DMBT1: variants seen among roughly 807,000 people sequenced by gnomAD.
The protein encoded by DMBT1 is scavenger receptor cysteine-rich domain-containing protein DMBT1.
Under a neutral mutation model 252.9 loss-of-function variants are expected in DMBT1, and 198 were observed. The ratio of observed to expected loss-of-function variants is 0.78; its 90% CI spans 0.70 to 0.88. The LOEUF (loss-of-function observed/expected upper bound fraction) is 0.88, where lower values mean the gene tolerates loss of function less well. Among genes scored for constraint, DMBT1 ranks in the 40% least tolerant of loss-of-function variants. The probability of loss-of-function intolerance (pLI) is 0.00; values close to 1 mark genes in which losing one functional copy is unlikely to be tolerated. For synonymous variants in DMBT1, 990 were observed against 942.7 expected, an observed-to-expected ratio of 1.05 and a Z score of -0.92; for missense variants, 2,432 against 2,404.7, an observed-to-expected ratio of 1.01 and a Z score of -0.24.
At chr10:122,590,632 A>G in intron 17 of DMBT1, 33 bp from the exon 18 acceptor site, 1 of 1,586,490 alleles carries the variant, frequency 6.3e-7, no homozygotes, top group Non-Finnish European at 8.6e-7. Context: ...GCTTCTGTAT[A>G]GTGCATCTGA....
At position 122,597,980 on chromosome 10, in the gene DMBT1, T is replaced by G. The variant is rs1057218359; in HGVS notation, c.2924T>G (p.Leu975Trp). The G allele has an allele frequency of 1.2e-6, 2 of 1,613,850 alleles. No individual in the cohort carries two copies. The highest frequency in any genetic ancestry group is 2.7e-5 in the African/African-American group (2 of 74,914). ...HSWSTPSPDT[L>W]PTITLPASTV... is the part of the protein sequence containing the mutation. Reference sequence around the variant, plus strand: ...GTCTCTGTTGCAATTACAGACACATTGCCGACCATCACCTTGCCTGCATCG... The same window carrying G: ...GTCTCTGTTGCAATTACAGACACATGGCCGACCATCACCTTGCCTGCATCG... The change falls in exon 25 of 56, where the codon TTG becomes TGG. Residue 975 changes from leucine to tryptophan, a missense_variant. Around this residue, in one of 3 missense-constraint regions of DMBT1, gnomAD observed 1,264 missense variants for 1,082.2 expected, o/e 1.17. Coordinates refer to ENST00000338354, the MANE Select transcript of DMBT1 (RefSeq NM_001377530.1).
chr10:122,572,255 A>T, intron 4 of DMBT1, 59 bp from the exon 5 acceptor site: 2 of 1,607,066 alleles, frequency 1.2e-6, no homozygotes, highest in Non-Finnish European at 1.7e-6. Context: ...GAAGCCATGG[A>T]CCAACCCTCT....
At chr10:122,631,594 G>A (rs188302806) in intron 49 of DMBT1, among the ~76,000 whole-genome samples, 5 of 152,300 alleles carry the variant, frequency 3.3e-5, no homozygotes, top group African/African-American at 1.2e-4. Context: ...AATTGGGATG[G>A]TTTTAGAACA....
chr10:122,564,906 A>G (rs1271866788), intron 1 of DMBT1, among the ~76,000 whole-genome samples: 3 of 152,240 alleles, frequency 2.0e-5, no homozygotes, highest in South Asian at 4.1e-4. Context: ...TCATCTAATT[A>G]TTGCAGAAAC....
intron 9 of DMBT1, 33 bp from the exon 10 acceptor site, chr10:122,579,545 G>A: frequency 2.5e-6 from 4 of 1,612,300 alleles, no homozygotes; most frequent in Non-Finnish European, 3.4e-6. Flanking sequence ...CTCATGATAG[G>A]GATGGATGAA....
Position 122,576,504 on chromosome 10 carries a change from G to C in DMBT1, c.389G>C (p.Ser130Thr), listed in dbSNP as rs200980406. The C allele has an allele frequency of 3.7e-6, 6 of 1,613,932 alleles. No homozygotes were observed. The highest frequency in any genetic ancestry group is 5.1e-6 in the Non-Finnish European group (6 of 1,179,876). Reference protein sequence around the residue: ...RGSWGTVCDDSWDTNDANVVC... With the variant: ...RGSWGTVCDDTWDTNDANVVC... ...TCCTGGGGCACCGTGTGTGATGACA[G>C]CTGGGACACCAATGATGCCAACGTG... is the stretch of plus-strand genomic sequence containing the variant. Residue 130 changes from serine (S) to threonine (T), a missense_variant, in exon 7 of 56, where the codon AGC (serine) becomes ACC (threonine). This residue lies in a region of DMBT1 where 1,264 missense variants were observed against 1,082.2 expected (regional missense o/e 1.17). Coordinates refer to ENST00000338354, the MANE Select transcript of DMBT1 (RefSeq NM_001377530.1).
At chr10:122,617,978 T>C in intron 40 of DMBT1, 39 bp from the exon 41 acceptor site, 1 of 1,609,632 alleles carries the variant, frequency 6.2e-7, no homozygotes, top group Non-Finnish European at 8.5e-7. Context: ...GTTGACCTCC[T>C]GGTGGGGATG....
In DMBT1 at chr10:122,591,866, G is replaced by GT. The variant is rs1334208124; in HGVS notation, c.2176+351dup. On this transcript the variant is annotated intron_variant, in intron 19 of 55. Coordinates refer to ENST00000338354, the MANE Select transcript of DMBT1 (RefSeq NM_001377530.1). ...GAGGGTGAAAATTTCTGTCCCTGCA[G>GT]TTGTCTGGCCAATGTGTTGCCATCC... 3.3e-5 allele frequency among the ~76,000 whole-genome samples: 5 copies of GT among 149,328 alleles called. 2 individuals carry two copies. Among genetic ancestry groups the GT allele is most frequent in the Non-Finnish European group, 7.5e-5 (5 of 66,932 alleles).
chr10:122,586,756 G>A (rs1343624453), intron 16 of DMBT1, among the ~76,000 whole-genome samples: 1 of 148,702 alleles, frequency 6.7e-6, no homozygotes, highest in Admixed American at 6.7e-5. Flanking sequence ...CTGCATAGGA[G>A]CATGGTGCAG....
At position 122,591,227 on chromosome 10, in the gene DMBT1, G is replaced by A. The variant is rs116720945; in HGVS notation, c.2138-252G>A. On this transcript the variant is annotated intron_variant, in intron 18 of 55. Transcript: ENST00000338354. Reference sequence around the variant, plus strand: ...GTCCATGTGTCAGTGGATGGGGCAGGTAAACCCTTTGTAGCTGAGAAGAGG... The same window carrying A: ...GTCCATGTGTCAGTGGATGGGGCAGATAAACCCTTTGTAGCTGAGAAGAGG... Among the ~76,000 whole-genome samples the A allele has an allele frequency of 8.8e-3, 1,311 of 148,768 alleles. 61 individuals carry two copies. The highest frequency in any genetic ancestry group is 0.03 in the African/African-American group (1,216 of 41,218).
intron 46 of DMBT1, among the ~76,000 whole-genome samples, chr10:122,628,442 C>A (rs2098134127): frequency 6.6e-6 from 1 of 152,074 alleles, no homozygotes; most frequent in Admixed American, 6.6e-5. Context: ...TCGAGACCAG[C>A]CTGGACAACG....
At chr10:122,573,637 A>C in intron 5 of DMBT1, 78 bp from the exon 6 acceptor site, 10 of 1,537,456 alleles carry the variant, frequency 6.5e-6, no homozygotes, top group Non-Finnish European at 9.0e-6. Context: ...CCCTTGCTTC[A>C]GAGCTGAGCA....
intron 43 of DMBT1, 135 bp from the exon 44 acceptor site, chr10:122,620,921 TG>T: frequency 1.3e-6 from 2 of 1,492,468 alleles, no homozygotes; most frequent in Non-Finnish European, 1.8e-6. Flanking sequence ...GCTGAACCTC[TG>T]TCTGTATTCA....
chr10:122,576,760 C>T (rs1246983732), intron 7 of DMBT1, 38 bp downstream of exon 7: 5 of 1,611,816 alleles, frequency 3.1e-6, no homozygotes, highest in South Asian at 1.1e-5. Context: ...GGTGTGGTGG[C>T]TCATGCCTTT....
At chr10:122,580,408 T>C (rs1668088834) in intron 10 of DMBT1, among the ~76,000 whole-genome samples, 1 of 152,222 alleles carries the variant, frequency 6.6e-6, no homozygotes, top group Non-Finnish European at 1.5e-5. Flanking sequence ...GTTGGAGTTC[T>C]TGACCTCAGC....
intron 51 of DMBT1, 114 bp downstream of exon 51, chr10:122,633,004 C>A: frequency 6.5e-7 from 1 of 1,547,634 alleles, no homozygotes; most frequent in Non-Finnish European, 8.8e-7. Context: ...AAGTGGTCTC[C>A]CTGCAAGAGT....
chr10:122,579,926 A>T (rs767314597), intron 10 of DMBT1, 25 bp downstream of exon 10: 1 of 1,609,354 alleles, frequency 6.2e-7, no homozygotes, highest in African/African-American at 1.3e-5. Context: ...ACTTGGGCTC[A>T]CTCTCTTGGG....
At chr10:122,629,371 C>G (rs530918796) in intron 46 of DMBT1, among the ~76,000 whole-genome samples, 1 of 152,170 alleles carries the variant, frequency 6.6e-6, no homozygotes, top group African/African-American at 2.4e-5. Flanking sequence ...GTTGCAGAAA[C>G]CCTGCTCCTA....
chr10:122,630,144 A>G, intron 47 of DMBT1, 144 bp from the exon 48 acceptor site: 1 of 1,340,088 alleles, frequency 7.5e-7, no homozygotes, highest in Non-Finnish European at 1.0e-6. Context: ...GCATCAGGGA[A>G]CACTGATGTC....
Sources: allele counts gnomAD v4.1 joint callset (sites outside exome capture counted in the v4.1 genomes callset), GRCh38; gene constraint gnomAD v4.1.1; regional missense constraint gnomAD v4.1.1; transcripts MANE v1.5; gene names NCBI Gene and HGNC (gene_info 2026-07-23, HGNC 2026-07-21).